Variants in LRSAM1 observed in about 807,000 individuals in gnomAD.
LRSAM1 encodes E3 ubiquitin-protein ligase LRSAM1.
LRSAM1 carries 96 observed loss-of-function variants against 118.1 expected under a neutral mutation model. The ratio of observed to expected loss-of-function variants is 0.81; its 90% CI spans 0.69 to 0.96. The LOEUF (loss-of-function observed/expected upper bound fraction) is 0.96. LRSAM1 is among the 40% of genes least tolerant of loss of function. LRSAM1 has a pLI of 0.00. For missense variants in LRSAM1, 804 were observed against 915.5 expected (o/e 0.88, Z 1.57); for synonymous variants, 322 against 364.2 (o/e 0.88, Z 1.32).
At chr9:127,490,945 T>G (rs1835910163) in intron 19 of LRSAM1, among the ~76,000 whole-genome samples, 1 of 152,100 alleles carries the variant, frequency 6.6e-6, no homozygotes, top group South Asian at 2.1e-4. Flanking sequence ...CTGATCCCAC[T>G]CTAGGAGAGA....
intron 19 of LRSAM1, 145 bp downstream of exon 19, chr9:127,489,663 G>C: frequency 1.1e-6 from 1 of 887,394 alleles, no homozygotes; most frequent in East Asian, 2.7e-5. Flanking sequence ...CTTGCCCTCA[G>C]AACCTCCCTT....
Position 127,462,391 on chromosome 9 carries a change from C to A in LRSAM1, c.528+18C>A. 1 of 1,613,716 alleles carries A rather than the reference C, an allele frequency of 6.2e-7. No homozygotes were observed. The highest frequency in any genetic ancestry group is 8.5e-7 in the Non-Finnish European group (1 of 1,179,780). On this transcript the variant is annotated intron_variant, in intron 9 of 25. Transcript: ENST00000300417. ...CCCTGGAGGTAAATGGGAAGCTGTT[C>A]TTGCCTGGGGTGCTCTCTGGCCTGC...
intron 16 of LRSAM1, among the ~76,000 whole-genome samples, chr9:127,484,958 C>A (rs1164980482): frequency 1.3e-5 from 2 of 151,914 alleles, no homozygotes; most frequent in East Asian, 3.9e-4. Context: ...CAGGCACCTG[C>A]CACCATGCCC....
intron 11 of LRSAM1, among the ~76,000 whole-genome samples, chr9:127,474,719 C>A (rs1835293906): frequency 6.6e-6 from 1 of 152,238 alleles, no homozygotes; most frequent in African/African-American, 2.4e-5. Context: ...CCACCATGCT[C>A]TGGGTCTAGT....
rs994037576 is a variant in LRSAM1 at position 127,489,342 on chromosome 9, C to T, written c.1348-102C>T. On this transcript the variant is annotated intron_variant, in intron 18 of 25. Coordinates refer to ENST00000300417, the MANE Select transcript of LRSAM1 (RefSeq NM_001005373.4). ...CTCCCTCTCTCAGAAAAAACCCATC[C>T]ATTAAGGTGCTTTGTACACAGCTTT... The T allele has an allele frequency of 3.7e-6, 5 of 1,350,078 alleles. No homozygotes were observed. In the African/African-American group the frequency reaches 5.8e-5, roughly 16 times the overall value. 83.6% of individuals were successfully genotyped at this position (1,350,078 alleles called of 1,614,324 possible). A position where few individuals can be genotyped will look rare whatever the true frequency, so the allele number is the denominator to read the frequency against.
Position 127,503,095 on chromosome 9 carries a change from C to A in LRSAM1, c.*196C>A. 1.4e-6 allele frequency: 1 copy of A among 699,076 alleles called. No homozygotes were observed. The highest frequency in any genetic ancestry group is 2.4e-6 in the Non-Finnish European group (1 of 418,250). 43.3% of individuals were successfully genotyped at this position (699,076 alleles called of 1,614,324 possible). A position where few individuals can be genotyped will look rare whatever the true frequency, so the allele number is the denominator to read the frequency against. On this transcript the variant is annotated 3_prime_UTR_variant, in exon 26 of 26. Coordinates refer to ENST00000300417, the MANE Select transcript of LRSAM1 (RefSeq NM_001005373.4). ...GCAGAGGTGCTCCTCATCCATGACA[C>A]CACCAGTCTGAATGGTCCTGGGGGC...
intron 8 of LRSAM1, among the ~76,000 whole-genome samples, chr9:127,461,709 A>C: frequency 6.6e-6 from 1 of 152,208 alleles, no homozygotes; most frequent in East Asian, 1.9e-4. Context: ...CGGGAAATCA[A>C]GTGTGACTTG....
intron 18 of LRSAM1, 32 bp from the exon 19 acceptor site, chr9:127,489,411 GC>G (rs1167968228): frequency 1.3e-6 from 2 of 1,589,844 alleles, no homozygotes; most frequent in Non-Finnish European, 1.7e-6. Context: ...TGTGGGCACG[GC>G]CCCTGCTGAG....
rs753670711 is a variant in LRSAM1, at chr9:127,492,821, G to A, written c.1523G>A (p.Arg508His). The A allele has an allele frequency of 3.1e-6, 5 of 1,613,854 alleles. No individual in the cohort carries two copies. The highest frequency in any genetic ancestry group is 2.2e-5 in the East Asian group (1 of 44,882). Residue 508 changes from arginine to histidine, a missense_variant, in exon 21 of 26, where the codon CGC becomes CAC. Physicochemically the swap from Arg to His is conservative, Grantham distance 29 (BLOSUM62 0). Transcript: ENST00000300417. ...ESLQEMISEQ[R>H]WALSSLLQQL... Reference sequence around the variant, plus strand: ...TCGCAGGAGATGATCTCGGAGCAGCGCTGGGCCCTCAGCTCCCTGCTCCAG... The same window carrying A: ...TCGCAGGAGATGATCTCGGAGCAGCACTGGGCCCTCAGCTCCCTGCTCCAG...
intron 11 of LRSAM1, among the ~76,000 whole-genome samples, chr9:127,476,370 A>AC (rs1379510767): frequency 6.6e-6 from 1 of 152,022 alleles, no homozygotes; most frequent in Non-Finnish European, 1.5e-5. Context: ...ATGTGGCGAG[A>AC]CCCTGTCTCT....
chr9:127,462,815 T>G (rs1444450463), intron 9 of LRSAM1, among the ~76,000 whole-genome samples: 1 of 150,654 alleles, frequency 6.6e-6, no homozygotes, highest in Non-Finnish European at 1.5e-5. Context: ...GTGCTGCACA[T>G]GTACTCCTGA....
At chr9:127,451,721 C>T (rs1834328286) in intron 1 of LRSAM1, 52 bp downstream of exon 1, 1 of 246,160 alleles carries the variant, frequency 4.1e-6, no homozygotes, top group South Asian at 6.4e-5. Flanking sequence ...CGCCCCTCCC[C>T]TGAGGGGTCC....
chr9:127,495,854 C>CGAG, intron 22 of LRSAM1, 110 bp from the exon 23 acceptor site: 1 of 1,489,486 alleles, frequency 6.7e-7, no homozygotes, highest in Non-Finnish European at 9.0e-7. Context: ...GGAAAAATCC[C>CGAG]GAGTACATTC....
intron 19 of LRSAM1, 53 bp downstream of exon 19, chr9:127,489,571 T>C: frequency 6.4e-7 from 1 of 1,564,496 alleles, no homozygotes; most frequent in Non-Finnish European, 8.7e-7. Context: ...ACTTGCAGAG[T>C]GGCCCTCCAG....
chr9:127,492,697 A>G (rs1314449397), intron 20 of LRSAM1, 105 bp from the exon 21 acceptor site: 2 of 1,040,308 alleles, frequency 1.9e-6, no homozygotes, highest in African/African-American at 1.6e-5. Flanking sequence ...GGCATTGGGC[A>G]GAGAACCGAG....
At chr9:127,475,614 G>T (rs1358649200) in intron 11 of LRSAM1, among the ~76,000 whole-genome samples, 1 of 152,204 alleles carries the variant, frequency 6.6e-6, no homozygotes, top group Non-Finnish European at 1.5e-5. Context: ...CACACATTTT[G>T]ACATGACAAT....
At chr9:127,456,735 A>G (rs964970314) in intron 5 of LRSAM1, among the ~76,000 whole-genome samples, 7 of 152,030 alleles carry the variant, frequency 4.6e-5, no homozygotes, top group African/African-American at 1.7e-4. Context: ...GTGTGGTGGC[A>G]TGCGCCTGTA....
At chr9:127,456,783 T>C (rs1434147804) in intron 5 of LRSAM1, among the ~76,000 whole-genome samples, 2 of 151,830 alleles carry the variant, frequency 1.3e-5, no homozygotes, top group African/African-American at 4.8e-5. Flanking sequence ...GGAGAATTGC[T>C]TGAACCTGGG....
At chr9:127,486,311 C>T (rs772319955) in intron 17 of LRSAM1, 3 of 200,928 alleles carry the variant, frequency 1.5e-5, no homozygotes, top group African/African-American at 2.3e-5. Context: ...GGGTGGGATG[C>T]CCTGGAAGGA....
Sources: allele counts gnomAD v4.1 joint callset (sites outside exome capture counted in the v4.1 genomes callset), GRCh38; gene constraint gnomAD v4.1.1; transcripts MANE v1.5; gene names NCBI Gene and HGNC (gene_info 2026-07-23, HGNC 2026-07-21).